Variants in TTC28 observed in about 807,000 individuals in gnomAD.
TTC28 encodes tetratricopeptide repeat protein 28.
A neutral mutation model predicts 198.0 loss-of-function variants in TTC28; 61 were observed. The observed-to-expected ratio is 0.31, with a 90% CI of 0.25 to 0.38. TTC28 has a LOEUF of 0.38. TTC28 is among the 10% of genes least tolerant of loss of function. TTC28 has a pLI of 1.00. For missense variants in TTC28, 2,678 were observed against 3,164.0 expected (o/e 0.85, Z 3.69); for synonymous variants, 1,171 against 1,297.8 (o/e 0.90, Z 2.10).
chr22:28,643,932 G>A (rs556376485), intron 1 of TTC28, among the ~76,000 whole-genome samples: 4 of 152,284 alleles, frequency 2.6e-5, no homozygotes, highest in Admixed American at 2.0e-4. Context: ...TCTAGTAGGG[G>A]AAGAAACAAG....
chr22:28,158,030 C>A (rs562043082), intron 6 of TTC28, among the ~76,000 whole-genome samples: 15 of 149,990 alleles, frequency 1.0e-4, no homozygotes, highest in South Asian at 8.4e-4. Flanking sequence ...AAGACTCCAT[C>A]AAAAAAAAAC....
At chr22:28,615,782 C>T (rs2050895437) in intron 2 of TTC28, among the ~76,000 whole-genome samples, 1 of 52,914 alleles carries the variant, frequency 1.9e-5, no homozygotes, top group Non-Finnish European at 3.4e-5. Context: ...CATCACACAT[C>T]GGGGCCTGTA....
intron 13 of TTC28, among the ~76,000 whole-genome samples, chr22:28,020,863 C>G (rs1938567026): frequency 6.6e-6 from 1 of 152,106 alleles, no homozygotes; most frequent in South Asian, 2.1e-4. Flanking sequence ...AATGCACGCA[C>G]CCACTCTGCT....
At chr22:28,513,332 C>G (rs542571773) in intron 2 of TTC28, among the ~76,000 whole-genome samples, 1 of 152,288 alleles carries the variant, frequency 6.6e-6, no homozygotes, top group South Asian at 2.1e-4. Context: ...AGCCACCTCA[C>G]TATTTACTTC....
intron 2 of TTC28, among the ~76,000 whole-genome samples, chr22:28,345,261 A>G (rs1601664251): frequency 6.6e-6 from 1 of 152,334 alleles, no homozygotes; most frequent in Admixed American, 6.5e-5. Context: ...ACTACAGCCA[A>G]TAAAGTTCTA....
chr22:28,271,751 C>G (rs1932090876), intron 5 of TTC28, among the ~76,000 whole-genome samples: 1 of 151,892 alleles, frequency 6.6e-6, no homozygotes, highest in African/African-American at 2.4e-5. Flanking sequence ...ATTACAGGTG[C>G]CCGCCACCAC....
chr22:28,546,336 C>T (rs1426085500), intron 2 of TTC28, among the ~76,000 whole-genome samples: 3 of 152,150 alleles, frequency 2.0e-5, no homozygotes, highest in Non-Finnish European at 4.4e-5. Context: ...GTCCCAGCTA[C>T]TTGGGAGGCT....
chr22:28,011,468 C>A (rs950168494), intron 14 of TTC28, among the ~76,000 whole-genome samples: 1 of 152,108 alleles, frequency 6.6e-6, no homozygotes, highest in Non-Finnish European at 1.5e-5. Context: ...TGGTGGTGCA[C>A]ACCTGTAGTC....
At chr22:28,258,495 G>A (rs905632326) in intron 5 of TTC28, among the ~76,000 whole-genome samples, 5 of 151,764 alleles carry the variant, frequency 3.3e-5, no homozygotes, top group Non-Finnish European at 7.4e-5. Flanking sequence ...ATAAATAAGG[G>A]GAAAAATGCA....
chr22:28,143,805 A>G (rs1483934919), intron 6 of TTC28, among the ~76,000 whole-genome samples: 3 of 152,212 alleles, frequency 2.0e-5, no homozygotes, highest in Non-Finnish European at 2.9e-5. Flanking sequence ...TTAAAACCAT[A>G]TAAGGGAAGA....
intron 2 of TTC28, among the ~76,000 whole-genome samples, chr22:28,560,292 C>G (rs1023134752): frequency 6.6e-6 from 1 of 152,208 alleles, no homozygotes; most frequent in African/African-American, 2.4e-5. Flanking sequence ...AGCAACAGCG[C>G]TCTAATTGAC....
chr22:28,230,087 T>C (rs1386811523), intron 5 of TTC28, among the ~76,000 whole-genome samples: 3 of 152,130 alleles, frequency 2.0e-5, no homozygotes, highest in Non-Finnish European at 4.4e-5. Context: ...GAAAAAGCCA[T>C]TGTGGCAGTA....
chr22:28,013,729 A>G (rs1472217111), intron 14 of TTC28, among the ~76,000 whole-genome samples: 1 of 152,138 alleles, frequency 6.6e-6, no homozygotes, highest in Non-Finnish European at 1.5e-5. Context: ...GCCCTCTGGG[A>G]AGGGCACAGC....
At chr22:28,043,223 A>G (rs1271873172) in intron 12 of TTC28, among the ~76,000 whole-genome samples, 1 of 141,818 alleles carries the variant, frequency 7.1e-6, no homozygotes, top group Non-Finnish European at 1.5e-5. Flanking sequence ...AGCCTGCATA[A>G]CAGAGTAAGA....
chr22:28,500,320 G>A (rs576890672), intron 2 of TTC28, among the ~76,000 whole-genome samples: 1 of 152,174 alleles, frequency 6.6e-6, no homozygotes, highest in South Asian at 2.1e-4. Context: ...CACCTAGAAC[G>A]CTGTTTACAA....
chr22:28,071,403 T>C (rs1940962360), intron 12 of TTC28, among the ~76,000 whole-genome samples: 1 of 150,818 alleles, frequency 6.6e-6, no homozygotes, highest in African/African-American at 2.4e-5. Context: ...TATGCAGCCA[T>C]AAAAAATGAT....
At chr22:28,570,854 T>C (rs958287929) in intron 2 of TTC28, among the ~76,000 whole-genome samples, 7 of 152,108 alleles carry the variant, frequency 4.6e-5, no homozygotes, top group African/African-American at 1.7e-4. Flanking sequence ...TCAAGAAAGC[T>C]AGATGGTTAA....
At chr22:28,198,291 T>G (rs1421057442) in intron 5 of TTC28, among the ~76,000 whole-genome samples, 1 of 152,074 alleles carries the variant, frequency 6.6e-6, no homozygotes, top group Non-Finnish European at 1.5e-5. Context: ...CCTCAAAATT[T>G]TGACAATCAA....
chr22:28,058,250 C>T (rs1043055666), intron 12 of TTC28, among the ~76,000 whole-genome samples: 4 of 152,006 alleles, frequency 2.6e-5, no homozygotes, highest in African/African-American at 7.2e-5. Context: ...AGTTTATTTA[C>T]GAAACAGTAG....
Sources: allele counts gnomAD v4.1 joint callset (sites outside exome capture counted in the v4.1 genomes callset), GRCh38; gene constraint gnomAD v4.1.1; transcripts MANE v1.5; gene names NCBI Gene and HGNC (gene_info 2026-07-23, HGNC 2026-07-21).